The following OPCML variants were observed in gnomAD, a reference collection of about 807,000 sequenced individuals.
The protein encoded by OPCML is opioid binding protein/cell adhesion molecule like.
OPCML carries 13 observed loss-of-function variants against 37.8 expected under a neutral mutation model. That is an observed-to-expected ratio of 0.34 (90% CI 0.22 to 0.55). The LOEUF (loss-of-function observed/expected upper bound fraction) is 0.55. OPCML is among the 20% of genes least tolerant of loss of function. The pLI is 0.91. For missense variants in OPCML, 341 were observed against 435.6 expected (o/e 0.78, Z 1.93); for synonymous variants, 176 against 168.8 (o/e 1.04, Z -0.33).
chr11:133,416,055 G>A (rs951382174), intron 1 of OPCML, among the ~76,000 whole-genome samples: 19 of 152,158 alleles, frequency 1.2e-4, no homozygotes, highest in Non-Finnish European at 2.5e-4. Context: ...AGACCCATAC[G>A]AGACTTCTGA....
intron 2 of OPCML, among the ~76,000 whole-genome samples, chr11:132,776,706 C>T (rs1379381184): frequency 6.6e-6 from 1 of 152,104 alleles, no homozygotes; most frequent in Non-Finnish European, 1.5e-5. Flanking sequence ...CCTGCAGAAC[C>T]ATAAGCCAAT....
rs564275510 is a variant in OPCML, at chr11:133,119,562, C to T, written c.62-176552G>A. Among the ~76,000 whole-genome samples the T allele has an allele frequency of 1.4e-4, 22 of 152,168 alleles. No homozygotes were observed. In the South Asian group the frequency reaches 4.1e-3, roughly 29 times the overall value. ...TAACATACTTGAATATAAACAAAAC[C>T]CTCCGATTTCAGCAGAGGGGAGAAA... On this transcript the variant is annotated intron_variant, in intron 1 of 7. Coordinates refer to ENST00000524381, the MANE Select transcript of OPCML (RefSeq NM_001012393.5).
intron 7 of OPCML, among the ~76,000 whole-genome samples, chr11:132,426,475 T>C (rs961901750): frequency 1.3e-5 from 2 of 152,200 alleles, no homozygotes; most frequent in African/African-American, 4.8e-5. Context: ...AGTCTCACTC[T>C]GTCACCCAGG....
At chr11:133,316,829 C>T (rs534176720) in intron 1 of OPCML, among the ~76,000 whole-genome samples, 5 of 152,288 alleles carry the variant, frequency 3.3e-5, no homozygotes, top group African/African-American at 7.2e-5. Flanking sequence ...CTAAGCCCCA[C>T]GTAAATATAT....
intron 4 of OPCML, among the ~76,000 whole-genome samples, chr11:132,480,684 T>C (rs2096176611): frequency 6.6e-6 from 1 of 152,168 alleles, no homozygotes; most frequent in South Asian, 2.1e-4. Flanking sequence ...GCAATAACTC[T>C]ACAAGCCAGA....
At chr11:133,034,946 T>C (rs535946441) in intron 1 of OPCML, among the ~76,000 whole-genome samples, 23 of 152,180 alleles carry the variant, frequency 1.5e-4, no homozygotes, top group Non-Finnish European at 2.2e-4. Context: ...CATGATGCAA[T>C]GGGAGCTCTT....
At chr11:133,198,346 G>A (rs1421019979) in intron 1 of OPCML, among the ~76,000 whole-genome samples, 1 of 152,206 alleles carries the variant, frequency 6.6e-6, no homozygotes, top group African/African-American at 2.4e-5. Flanking sequence ...TTAACAAAAG[G>A]ACATTCGATC....
chr11:133,440,498 G>A (rs1465504522), intron 1 of OPCML, among the ~76,000 whole-genome samples: 2 of 151,498 alleles, frequency 1.3e-5, no homozygotes, highest in South Asian at 2.1e-4. Context: ...AGGCCGAGGT[G>A]GGTGGATCAA....
intron 2 of OPCML, among the ~76,000 whole-genome samples, chr11:132,774,757 A>G (rs909915259): frequency 2.0e-5 from 3 of 152,190 alleles, no homozygotes; most frequent in African/African-American, 7.2e-5. Context: ...CCATCAAGAC[A>G]GCGACTGCCA....
intron 1 of OPCML, among the ~76,000 whole-genome samples, chr11:133,238,236 G>T (rs1940598132): frequency 6.6e-6 from 1 of 152,152 alleles, no homozygotes; most frequent in South Asian, 2.1e-4. Flanking sequence ...AGGCAGTCTG[G>T]ATCTGTGCTG....
intron 2 of OPCML, among the ~76,000 whole-genome samples, chr11:132,721,749 T>C (rs1282816372): frequency 6.6e-6 from 1 of 152,044 alleles, no homozygotes; most frequent in Non-Finnish European, 1.5e-5. Flanking sequence ...CGGACTGCTG[T>C]TGACGAAGAC....
intron 1 of OPCML, among the ~76,000 whole-genome samples, chr11:133,055,066 C>A (rs553545872): frequency 6.6e-5 from 10 of 151,512 alleles, no homozygotes; most frequent in South Asian, 4.2e-4. Context: ...CTCCATGATA[C>A]TTCCAAGTGG....
intron 1 of OPCML, among the ~76,000 whole-genome samples, chr11:133,430,248 C>T (rs1946089799): frequency 6.6e-6 from 1 of 151,946 alleles, no homozygotes; most frequent in African/African-American, 2.4e-5. Context: ...CTAAAAACTA[C>T]AATGGGTTTT....
chr11:132,925,110 T>A (rs548930076), intron 2 of OPCML, among the ~76,000 whole-genome samples: 109 of 152,320 alleles, frequency 7.2e-4, no homozygotes, highest in African/African-American at 2.6e-3. Flanking sequence ...TTTCCAGCAT[T>A]CCTTTTGATT....
intron 3 of OPCML, among the ~76,000 whole-genome samples, chr11:132,591,259 G>T (rs771690806): frequency 6.6e-6 from 1 of 152,166 alleles, no homozygotes; most frequent in Non-Finnish European, 1.5e-5. Flanking sequence ...TTGGAGAAAT[G>T]CAGATCCTTG....
At chr11:132,630,323 G>C (rs1206037438) in intron 3 of OPCML, among the ~76,000 whole-genome samples, 5 of 152,184 alleles carry the variant, frequency 3.3e-5, no homozygotes, top group Admixed American at 3.3e-4. Context: ...ACTTTGGGAG[G>C]CTGAGGTGGG....
chr11:133,464,327 A>G (rs1946927359), intron 1 of OPCML, among the ~76,000 whole-genome samples: 1 of 152,052 alleles, frequency 6.6e-6, no homozygotes, highest in Non-Finnish European at 1.5e-5. Context: ...TTCTTTTCAC[A>G]TCAAGCAATG....
At chr11:132,433,188 G>T (rs1442471804) in intron 7 of OPCML, among the ~76,000 whole-genome samples, 1 of 152,202 alleles carries the variant, frequency 6.6e-6, no homozygotes, top group Non-Finnish European at 1.5e-5. Context: ...AGGCATATGG[G>T]GGGAAGAGGC....
At chr11:133,112,285 CAA>C (rs370146450) in intron 1 of OPCML, among the ~76,000 whole-genome samples, 2 of 49,130 alleles carry the variant, frequency 4.1e-5, no homozygotes, top group Non-Finnish European at 8.0e-5. Flanking sequence ...GACTCTTGGC[CAA>C]AAAAAAAAAA....
Sources: allele counts gnomAD v4.1 joint callset (sites outside exome capture counted in the v4.1 genomes callset), GRCh38; gene constraint gnomAD v4.1.1; transcripts MANE v1.5; gene names NCBI Gene and HGNC (gene_info 2026-07-23, HGNC 2026-07-21).